CDC42SE2: variants seen among roughly 807,000 people sequenced by gnomAD.
CDC42SE2 encodes CDC42 small effector 2.
Under a neutral mutation model 11.5 loss-of-function variants are expected in CDC42SE2, and 3 were observed. The observed-to-expected ratio is 0.26, with a 90% CI of 0.12 to 0.67. The LOEUF (loss-of-function observed/expected upper bound fraction) is 0.67, where lower values mean the gene tolerates loss of function less well. Ranked by LOEUF, CDC42SE2 falls within the 30% of genes least tolerant of loss-of-function variation. The pLI is 0.80. For synonymous variants in CDC42SE2, 33 were observed against 34.8 expected, an observed-to-expected ratio of 0.95 and a Z score of 0.18; for missense variants, 82 against 106.8, an observed-to-expected ratio of 0.77 and a Z score of 1.02.
chr5:131,384,628 A>C (rs142792092), intron 3 of CDC42SE2, among the ~76,000 whole-genome samples: 2 of 152,192 alleles, frequency 1.3e-5, no homozygotes, highest in East Asian at 1.9e-4. Flanking sequence ...GATAATCTTC[A>C]TATCTGGAAA....
the CDC42SE2 span, among the ~76,000 whole-genome samples, chr5:131,214,546 A>G: frequency 0.26 from 40,188 of 151,914 alleles, 7,396 homozygotes; most frequent in African/African-American, 0.53. Flanking sequence ...AAAATCTACT[A>G]TTTTAGATAG....
At chr5:131,251,140 A>G (rs1253569436) in intron 1 of CDC42SE2, among the ~76,000 whole-genome samples, 3 of 152,252 alleles carry the variant, frequency 2.0e-5, no homozygotes, top group Admixed American at 1.3e-4. Context: ...TAGCAATAAC[A>G]AATAAATGAC....
chr5:131,217,032 A>G, the CDC42SE2 span, among the ~76,000 whole-genome samples: 2 of 152,348 alleles, frequency 1.3e-5, no homozygotes, highest in Non-Finnish European at 1.5e-5. Context: ...CCTGAGATCT[A>G]TTCTTGTACC....
chr5:131,378,726 C>A (rs1750226229), intron 3 of CDC42SE2, among the ~76,000 whole-genome samples: 1 of 152,032 alleles, frequency 6.6e-6, no homozygotes, highest in Non-Finnish European at 1.5e-5. Flanking sequence ...TGTGTTTGTG[C>A]CTGTTGGGAT....
intron 1 of CDC42SE2, among the ~76,000 whole-genome samples, chr5:131,273,217 G>A (rs1478512287): frequency 3.4e-5 from 5 of 147,118 alleles, no homozygotes; most frequent in African/African-American, 7.5e-5. Context: ...GTGCAGTGGC[G>A]TGATCTTGGC....
chr5:131,368,919 A>G (rs1307220674), intron 3 of CDC42SE2, among the ~76,000 whole-genome samples: 1 of 152,230 alleles, frequency 6.6e-6, no homozygotes, highest in Non-Finnish European at 1.5e-5. Flanking sequence ...TATTTTACAT[A>G]TAAATGTACA....
At chr5:131,282,490 G>A (rs1757256215) in intron 1 of CDC42SE2, among the ~76,000 whole-genome samples, 2 of 152,054 alleles carry the variant, frequency 1.3e-5, no homozygotes, top group Admixed American at 1.3e-4. Context: ...AAAGCGCTTT[G>A]GCATATTTGT....
At chr5:131,294,648 G>A (rs1757530054) in intron 1 of CDC42SE2, among the ~76,000 whole-genome samples, 1 of 152,166 alleles carries the variant, frequency 6.6e-6, no homozygotes, top group South Asian at 2.1e-4. Flanking sequence ...ACAGGAGATT[G>A]CAGTTATAAA....
chr5:131,304,493 C>T (rs552584213), intron 1 of CDC42SE2, among the ~76,000 whole-genome samples: 61 of 152,226 alleles, frequency 4.0e-4, no homozygotes, highest in African/African-American at 1.4e-3. Context: ...ATTTTAGTAA[C>T]GGTATCCACA....
chr5:131,365,923 A>G (rs1319627612), intron 3 of CDC42SE2, among the ~76,000 whole-genome samples: 2 of 152,216 alleles, frequency 1.3e-5, no homozygotes, highest in Non-Finnish European at 2.9e-5. Flanking sequence ...CGGAGCTTGC[A>G]GTGAGTGGAG....
intron 2 of CDC42SE2, among the ~76,000 whole-genome samples, chr5:131,348,183 T>C (rs375445785): frequency 2.4e-4 from 37 of 152,232 alleles, no homozygotes; most frequent in South Asian, 2.1e-3. Flanking sequence ...GGCATTCAAT[T>C]AGGAAAAGAG....
intron 1 of CDC42SE2, among the ~76,000 whole-genome samples, chr5:131,275,845 C>T (rs563735374): frequency 6.6e-6 from 1 of 151,006 alleles, no homozygotes; most frequent in South Asian, 2.1e-4. Flanking sequence ...TATGCCTGTC[C>T]TCTTAGTACT....
chr5:131,318,244 A>T (rs1307348951), intron 2 of CDC42SE2, among the ~76,000 whole-genome samples: 3 of 152,216 alleles, frequency 2.0e-5, no homozygotes, highest in Non-Finnish European at 4.4e-5. Context: ...CAACCAGGAG[A>T]ATAACTTTTT....
chr5:131,317,449 T>G (rs2149730316), intron 2 of CDC42SE2, among the ~76,000 whole-genome samples: 1 of 152,268 alleles, frequency 6.6e-6, no homozygotes, highest in East Asian at 1.9e-4. Context: ...GTATTTGGCT[T>G]TGGAATGCAC....
At chr5:131,290,999 C>T (rs1025423437) in intron 1 of CDC42SE2, among the ~76,000 whole-genome samples, 15 of 152,030 alleles carry the variant, frequency 9.9e-5, no homozygotes, top group Admixed American at 2.6e-4. Flanking sequence ...GAGAAAACAT[C>T]GGTCAATATA....
intron 1 of CDC42SE2, among the ~76,000 whole-genome samples, chr5:131,310,252 C>T (rs1479879638): frequency 5.9e-5 from 9 of 151,608 alleles, no homozygotes; most frequent in African/African-American, 1.5e-4. Context: ...TGTAGTTGAG[C>T]GGTTTTGAGT....
chr5:131,277,191 A>T (rs575160373), intron 1 of CDC42SE2, among the ~76,000 whole-genome samples: 85 of 152,328 alleles, frequency 5.6e-4, no homozygotes, highest in African/African-American at 2.0e-3. Flanking sequence ...AGTTGAATTC[A>T]TATGTTAGCA....
At chr5:131,328,709 T>C (rs1328678985) in intron 2 of CDC42SE2, among the ~76,000 whole-genome samples, 1 of 152,330 alleles carries the variant, frequency 6.6e-6, no homozygotes, top group Non-Finnish European at 1.5e-5. Flanking sequence ...TAGTTTATGT[T>C]ATAGATGTGT....
rs1300778653 is a variant in CDC42SE2, at chr5:131,383,452, G to C, written c.55-2091G>C. On this transcript the variant is annotated intron_variant, in intron 3 of 4. Coordinates refer to ENST00000505065, the MANE Select transcript of CDC42SE2 (RefSeq NM_001375635.1). ...GTAAAACTAAAGTTGTTCAAATAAA[G>C]AAATGAGAGTTCTTTGTTCCCTAGT... Among the ~76,000 whole-genome samples the C allele has an allele frequency of 2.0e-5, 3 of 152,208 alleles. No homozygotes were observed. In the South Asian group the frequency reaches 6.2e-4, roughly 32 times the overall value.
Sources: allele counts gnomAD v4.1 joint callset (sites outside exome capture counted in the v4.1 genomes callset), GRCh38; gene constraint gnomAD v4.1.1; transcripts MANE v1.5; gene names NCBI Gene and HGNC (gene_info 2026-07-23, HGNC 2026-07-21).